The following GPR139 variants were observed in gnomAD, a reference collection of about 807,000 sequenced individuals.
The protein encoded by GPR139 is probable G protein-coupled receptor 139.
In GPR139, 12 loss-of-function variants were observed where a neutral mutation model predicts 25.8. That is an observed-to-expected ratio of 0.47 (90% CI 0.30 to 0.75). GPR139 has a LOEUF of 0.75. Among genes scored for constraint, GPR139 ranks in the 30% least tolerant of loss-of-function variants. The pLI, the probability that GPR139 is intolerant of heterozygous loss-of-function variation, is 0.07. For missense variants in GPR139, 380 were observed against 450.2 expected (o/e 0.84, Z 1.41); for synonymous variants, 184 against 179.9 (o/e 1.02, Z -0.18).
intron 1 of GPR139, among the ~76,000 whole-genome samples, chr16:20,067,633 C>T (rs945393172): frequency 1.3e-5 from 2 of 151,750 alleles, no homozygotes; most frequent in Admixed American, 6.6e-5. Context: ...GGAGAAACCC[C>T]GTCTCTACTA....
chr16:20,056,160 G>A (rs954695880), intron 1 of GPR139, among the ~76,000 whole-genome samples: 10 of 152,316 alleles, frequency 6.6e-5, no homozygotes, highest in African/African-American at 2.4e-4. Context: ...ATGCCATCAT[G>A]CTGTCAACCC....
intron 1 of GPR139, among the ~76,000 whole-genome samples, chr16:20,056,543 G>A (rs76926256): frequency 2.4e-3 from 363 of 152,308 alleles, no homozygotes; most frequent in Non-Finnish European, 3.9e-3. Flanking sequence ...CTGCCTACCC[G>A]TAGTAGCTTG....
At chr16:20,069,450 G>A (rs1379274808) in intron 1 of GPR139, among the ~76,000 whole-genome samples, 1 of 152,164 alleles carries the variant, frequency 6.6e-6, no homozygotes, top group East Asian at 1.9e-4. Flanking sequence ...CCAGCTGACA[G>A]ATCACCAGTT....
Position 20,032,543 on chromosome 16 carries a change from A to G in GPR139, c.254T>C (p.Phe85Ser), listed in dbSNP as rs1295098832. The change falls in exon 2 of 2, where the codon TTC (phenylalanine) becomes TCC (serine). Residue 85 changes from phenylalanine to serine, a missense_variant. Physicochemically the swap from Phe to Ser is radical, Grantham distance 155 (BLOSUM62 -2). Coordinates refer to ENST00000570682, the MANE Select transcript of GPR139 (RefSeq NM_001002911.4). ...LVLFFIVFVD[F>S]LLEDFILNMQ... ...GTTCAAGATGAAATCTTCCAACAGG[A>G]AGTCCACAAACACTATGAAAAAGAG... The G allele has an allele frequency of 1.2e-6, 2 of 1,614,178 alleles. No individual in the cohort carries two copies. The highest frequency in any genetic ancestry group is 2.2e-5 in the South Asian group (2 of 91,072).
Position 20,030,292 on chromosome 16 carries a change from C to T in GPR139, c.*1443G>A, listed in dbSNP as rs981086276. On this transcript the variant is annotated 3_prime_UTR_variant, in exon 2 of 2. Transcript: ENST00000570682. The stretch of plus-strand genomic sequence containing the variant: ...GGACTGTCTGCCGTTTTTTGGTCAC[C>T]AAAAATGTCATGCAATTTCAAAGTC... 6.6e-6 allele frequency among the ~76,000 whole-genome samples: 1 copy of T among 151,578 alleles called. No individual in the cohort carries two copies. The highest frequency in any genetic ancestry group is 1.5e-5 in the Non-Finnish European group (1 of 67,948).
chr16:20,041,127 A>G (rs976433109), intron 1 of GPR139, among the ~76,000 whole-genome samples: 3 of 6,178 alleles, frequency 4.9e-4, no homozygotes, highest in East Asian at 3.2e-3. Flanking sequence ...AAAGGAAAGG[A>G]AAGGAGAGGA....
At chr16:20,038,019 C>T (rs2057316228) in intron 1 of GPR139, among the ~76,000 whole-genome samples, 1 of 93,128 alleles carries the variant, frequency 1.1e-5, no homozygotes, top group Non-Finnish European at 2.7e-5. Flanking sequence ...TGCCACCACA[C>T]CCAGCTAATT....
At chr16:20,071,384 C>A (rs1567241871) in intron 1 of GPR139, among the ~76,000 whole-genome samples, 1 of 152,228 alleles carries the variant, frequency 6.6e-6, no homozygotes, top group Non-Finnish European at 1.5e-5. Context: ...AGTCATTCTT[C>A]TTTAGGTTGC....
chr16:20,041,080 A>C (rs1184069220), intron 1 of GPR139, among the ~76,000 whole-genome samples: 1 of 144,564 alleles, frequency 6.9e-6, no homozygotes, highest in Admixed American at 7.2e-5. Flanking sequence ...ACTGCACTCC[A>C]GCCTGGGCGA....
chr16:20,047,335 TCCTGACCTGGGAGG>T (rs1171584665), intron 1 of GPR139, among the ~76,000 whole-genome samples: 7 of 152,128 alleles, frequency 4.6e-5, no homozygotes, highest in African/African-American at 1.7e-4. Context: ...GGTCTCGAAC[TCCTGACCTGGGAGG>T]CCTGACCTGG....
At position 20,032,605 on chromosome 16, in the gene GPR139, G is replaced by A. The variant is rs752636144; in HGVS notation, c.192C>T (p.Asn64=). Residue 64 remains asparagine, a synonymous_variant, in exon 2 of 2, where the codon AAC becomes AAT. Coordinates refer to ENST00000570682, the MANE Select transcript of GPR139 (RefSeq NM_001002911.4). ...LVARRQKSSY[N]YLLALAAADI... ...CGGCAGCAGCGAGTGCCAAGAGATA[G>A]TTGTAGGAGGACTTCTGTCTTCTTG... 1 of 1,613,454 alleles carries A rather than the reference G, an allele frequency of 6.2e-7. No homozygotes were observed. Among genetic ancestry groups the A allele is most frequent in the East Asian group, 2.2e-5 (1 of 44,840 alleles).
At chr16:20,062,996 T>A (rs974574309) in intron 1 of GPR139, among the ~76,000 whole-genome samples, 1 of 152,230 alleles carries the variant, frequency 6.6e-6, no homozygotes, top group Non-Finnish European at 1.5e-5. Context: ...AAAGAGTAGA[T>A]TCACATACTC....
At chr16:20,067,339 A>C (rs936875779) in intron 1 of GPR139, among the ~76,000 whole-genome samples, 1 of 152,162 alleles carries the variant, frequency 6.6e-6, no homozygotes, top group Non-Finnish European at 1.5e-5. Flanking sequence ...TGAGAGACCC[A>C]TTAATAATAA....
rs2057285638 is a variant in GPR139 at position 20,030,968 on chromosome 16, G to A, written c.*767C>T. Among the ~76,000 whole-genome samples, 1 of 152,002 alleles carries A rather than the reference G, an allele frequency of 6.6e-6. No individual in the cohort carries two copies. The highest frequency in any genetic ancestry group is 6.6e-5 in the Admixed American group (1 of 15,262). On this transcript the variant is annotated 3_prime_UTR_variant, in exon 2 of 2. Transcript: ENST00000570682. ...ATGGCAAGTGTGGGCTTATTTTTTT[G>A]TTTTTCTGGGCTCGAGAATTCCTCC...
chr16:20,058,878 T>A (rs887488569), intron 1 of GPR139, among the ~76,000 whole-genome samples: 2 of 152,222 alleles, frequency 1.3e-5, no homozygotes, highest in African/African-American at 4.8e-5. Flanking sequence ...CGCCCACTGC[T>A]ACGACTGGGA....
chr16:20,067,385 C>A (rs1199393580), intron 1 of GPR139, among the ~76,000 whole-genome samples: 1 of 152,190 alleles, frequency 6.6e-6, no homozygotes, highest in African/African-American at 2.4e-5. Flanking sequence ...ATTGCCAGAT[C>A]AAACCTGGAA....
At chr16:20,054,592 A>G (rs1486025932) in intron 1 of GPR139, among the ~76,000 whole-genome samples, 1 of 151,972 alleles carries the variant, frequency 6.6e-6, no homozygotes, top group South Asian at 2.1e-4. Flanking sequence ...TTTTTTTTTA[A>G]CTTTTATTTT....
intron 1 of GPR139, among the ~76,000 whole-genome samples, chr16:20,047,099 C>T (rs939900876): frequency 2.9e-5 from 3 of 104,764 alleles, no homozygotes; most frequent in African/African-American, 1.1e-4. Flanking sequence ...TAAAACTTCT[C>T]TTCTTAGGGA....
chr16:20,073,783 C>T lies in GPR139; in HGVS notation c.-167G>A. On this transcript the variant is annotated 5_prime_UTR_variant, in exon 1 of 2. Transcript: ENST00000570682. The surrounding 1 kb of genome is among the most constrained non-coding windows in gnomAD (Gnocchi z 4.7). ...TGGCCGTGATCCCCTCTGCTCGCTC[C>T]GCACCTGCCCGCCTGGAGTCTTGGC... 1.2e-6 allele frequency: 1 copy of T among 830,982 alleles called. No homozygotes were observed. The highest frequency in any genetic ancestry group is 1.7e-6 in the Non-Finnish European group (1 of 572,534). The allele number at this position is 830,982 out of a possible 1,614,324, so 51.5% of individuals were successfully genotyped here. A position where few individuals can be genotyped will look rare whatever the true frequency, so the allele number is the denominator to read the frequency against.
Sources: allele counts gnomAD v4.1 joint callset (sites outside exome capture counted in the v4.1 genomes callset), GRCh38; gene constraint gnomAD v4.1.1; non-coding constraint Gnocchi (gnomAD v3.1); transcripts MANE v1.5; gene names NCBI Gene and HGNC (gene_info 2026-07-23, HGNC 2026-07-21).